RAE1: variants seen among roughly 807,000 people sequenced by gnomAD.
The protein encoded by RAE1 is ribonucleic acid export 1.
RAE1 carries 13 observed loss-of-function variants against 52.7 expected under a neutral mutation model. The ratio of observed to expected loss-of-function variants is 0.25; its 90% confidence interval spans 0.16 to 0.39. The LOEUF (loss-of-function observed/expected upper bound fraction) is 0.39. Ranked by LOEUF, RAE1 falls within the 10% of genes least tolerant of loss-of-function variation. RAE1 has a pLI of 1.00. For missense variants in RAE1, 262 were observed against 459.8 expected (o/e 0.57, Z 3.93); for synonymous variants, 164 against 153.1 (o/e 1.07, Z -0.52).
intron 4 of RAE1, among the ~76,000 whole-genome samples, chr20:57,357,036 C>T (rs6099573): frequency 0.038 from 5,757 of 152,338 alleles, 150 homozygotes; most frequent in African/African-American, 0.082. Context: ...GTTAAGGGGC[C>T]TGGTGACAGG....
intron 7 of RAE1, 146 bp from the exon 8 acceptor site, chr20:57,368,559 T>C (rs1403092812): frequency 1.8e-6 from 1 of 553,026 alleles, no homozygotes; most frequent in African/African-American, 1.9e-5. Flanking sequence ...TTTCAAATAC[T>C]ATTTCTCTAG....
At chr20:57,354,589 G>C in intron 2 of RAE1, 123 bp from the exon 3 acceptor site, 1 of 613,970 alleles carries the variant, frequency 1.6e-6, no homozygotes, top group Non-Finnish European at 2.7e-6. Flanking sequence ...GTAAGGAAAG[G>C]TCTAATTCAG....
intron 8 of RAE1, chr20:57,372,990 G>T (rs181840651): frequency 2.0e-4 from 34 of 166,802 alleles, no homozygotes; most frequent in East Asian, 1.9e-3. Flanking sequence ...GAAGTGCAGC[G>T]TGTTGCTTGT....
At chr20:57,356,593 A>G in intron 4 of RAE1, 55 bp downstream of exon 4, 1 of 1,442,772 alleles carries the variant, frequency 6.9e-7, no homozygotes, top group Non-Finnish European at 9.6e-7. Flanking sequence ...AGAATGATTT[A>G]GAATATTTAA....
Position 57,373,731 on chromosome 20 carries a change from T to C in RAE1, c.818T>C (p.Ile273Thr), listed in dbSNP as rs1378023158. 1.9e-6 allele frequency: 3 copies of C among 1,613,100 alleles called. No homozygotes were observed. Among genetic ancestry groups the C allele is most frequent in the African/African-American group, 2.7e-5 (2 of 74,884 alleles). The change falls in exon 10 of 12, where the codon ATT becomes ACT. Residue 273 changes from isoleucine to threonine, a missense_variant. Physicochemically the swap from Ile to Thr is moderately conservative, Grantham distance 89. Transcript: ENST00000395841. ...NGTNTSAPQDIYAVNGIAFHP... is the reference protein window; with the variant it reads ...NGTNTSAPQDTYAVNGIAFHP... ...ACCAACACTTCAGCTCCTCAGGACA[T>C]TTATGCGGTACGTTTTTAGACACTT...
Position 57,351,421 on chromosome 20 carries a change from A to T in RAE1, c.-9A>T. The T allele has an allele frequency of 1.0e-6, 1 of 985,424 alleles. No individual in the cohort carries two copies. Among genetic ancestry groups the T allele is most frequent in the African/African-American group, 1.7e-5 (1 of 57,334 alleles). The allele number at this position is 985,424 out of a possible 1,614,324, so 61.0% of individuals were successfully genotyped here. A position where few individuals can be genotyped will look rare whatever the true frequency, so the allele number is the denominator to read the frequency against. The stretch of plus-strand genomic sequence containing the variant: ...CGCTTTCCGCCGGGGCGAGACCCCC[A>T]GGTAGGCCCCGTGCCGCGCGCGTCC... On this transcript the variant is annotated splice_region_variant and 5_prime_UTR_variant, in exon 1 of 12. Coordinates refer to ENST00000395841, the MANE Select transcript of RAE1 (RefSeq NM_003610.4).
chr20:57,352,738 ACT>A (rs1384831976), intron 1 of RAE1, among the ~76,000 whole-genome samples: 1 of 152,142 alleles, frequency 6.6e-6, no homozygotes, highest in African/African-American at 2.4e-5. Flanking sequence ...AGTTCTCATA[ACT>A]CTGTGAAGTA....
intron 4 of RAE1, among the ~76,000 whole-genome samples, chr20:57,361,719 C>G (rs756118859): frequency 6.6e-6 from 1 of 152,158 alleles, no homozygotes; most frequent in Non-Finnish European, 1.5e-5. Flanking sequence ...TTAAAAAATA[C>G]CAAATGCATG....
intron 8 of RAE1, among the ~76,000 whole-genome samples, chr20:57,370,045 T>C (rs977011463): frequency 6.6e-6 from 1 of 152,194 alleles, no homozygotes. Context: ...CCCTTAGCAC[T>C]GACACTAGCT....
chr20:57,355,512 A>G (rs1437690329), intron 3 of RAE1, among the ~76,000 whole-genome samples: 3 of 152,232 alleles, frequency 2.0e-5, no homozygotes, highest in Middle Eastern at 3.2e-3. Context: ...GGCAATAGTT[A>G]TCAAAAATCC....
chr20:57,352,611 C>T (rs1313353167), intron 1 of RAE1, among the ~76,000 whole-genome samples: 1 of 152,168 alleles, frequency 6.6e-6, no homozygotes, highest in Non-Finnish European at 1.5e-5. Context: ...CTAAGTTCAT[C>T]CCTAATGGCA....
chr20:57,358,825 T>TG, intron 4 of RAE1: 2 of 476,556 alleles, frequency 4.2e-6, no homozygotes, highest in Non-Finnish European at 7.2e-6. Context: ...CTTAGGTTGT[T>TG]AGGAGGTTGA....
intron 8 of RAE1, among the ~76,000 whole-genome samples, 169 bp downstream of exon 8, chr20:57,368,981 T>C (rs1183120215): frequency 6.6e-6 from 1 of 152,218 alleles, no homozygotes; most frequent in African/African-American, 2.4e-5. Context: ...TAAGTAATAC[T>C]AAGGTATCCC....
At chr20:57,376,312 G>C (rs1443815138) in intron 11 of RAE1, among the ~76,000 whole-genome samples, 1 of 152,190 alleles carries the variant, frequency 6.6e-6, no homozygotes, top group African/African-American at 2.4e-5. Context: ...AATTTGATCA[G>C]TTTCAACATC....
chr20:57,378,135 C>G lies in RAE1; in HGVS notation c.*36C>G. 1.3e-6 allele frequency: 2 copies of G among 1,515,940 alleles called. No homozygotes were observed. The highest frequency in any genetic ancestry group is 1.8e-6 in the Non-Finnish European group (2 of 1,102,686). 93.9% of individuals were successfully genotyped at this position (1,515,940 alleles called of 1,614,324 possible). ...CTCTGGCTCAGCCAGAGTTGTTTCT[C>G]TCCACTCTGCCTCATCTCTGTACGA... On this transcript the variant is annotated 3_prime_UTR_variant, in exon 12 of 12. Transcript: ENST00000395841.
intron 11 of RAE1, among the ~76,000 whole-genome samples, chr20:57,377,327 C>T (rs2067130594): frequency 6.6e-6 from 1 of 152,182 alleles, no homozygotes; most frequent in South Asian, 2.1e-4. Context: ...GCCCACCCCA[C>T]TCACCTCTCT....
chr20:57,373,953 G>T (rs1318959427), intron 10 of RAE1, among the ~76,000 whole-genome samples: 1 of 152,214 alleles, frequency 6.6e-6, no homozygotes, highest in South Asian at 2.1e-4. Context: ...GAGTGCAGTG[G>T]CGTGATATCA....
At chr20:57,353,599 C>CCA (rs1480484261) in intron 1 of RAE1, among the ~76,000 whole-genome samples, 1 of 152,174 alleles carries the variant, frequency 6.6e-6, no homozygotes, top group Non-Finnish European at 1.5e-5. Context: ...AAGTGAATGC[C>CCA]CACTAGGTGG....
At chr20:57,364,884 T>G (rs1046932832) in intron 4 of RAE1, among the ~76,000 whole-genome samples, 3 of 152,170 alleles carry the variant, frequency 2.0e-5, no homozygotes, top group Non-Finnish European at 4.4e-5. Flanking sequence ...TAAAAGTAAT[T>G]AAGATTATAG....
Sources: allele counts gnomAD v4.1 joint callset (sites outside exome capture counted in the v4.1 genomes callset), GRCh38; gene constraint gnomAD v4.1.1; transcripts MANE v1.5; gene names NCBI Gene and HGNC (gene_info 2026-07-23, HGNC 2026-07-21).